The following ZEB1 variants were observed in gnomAD, a reference collection of about 807,000 sequenced individuals.
ZEB1 encodes zinc finger E-box-binding homeobox 1.
In ZEB1, 21 loss-of-function variants were observed where a neutral mutation model predicts 84.9. The observed-to-expected ratio is 0.25, with a 90% CI of 0.18 to 0.36. The LOEUF is 0.36. Among genes scored for constraint, ZEB1 ranks in the 10% least tolerant of loss-of-function variants. The pLI is 1.00. For synonymous variants in ZEB1, 420 were observed against 471.1 expected (o/e 0.89, Z 1.41); for missense variants, 1,104 against 1,330.2 (o/e 0.83, Z 2.65).
intron 1 of ZEB1, among the ~76,000 whole-genome samples, chr10:31,411,985 C>T (rs1433182790): frequency 6.6e-6 from 1 of 152,090 alleles, no homozygotes; most frequent in East Asian, 1.9e-4. Flanking sequence ...TTCACGATCT[C>T]AACCAGAATT....
chr10:31,443,867 A>C (rs977106094), intron 1 of ZEB1, among the ~76,000 whole-genome samples: 7 of 151,162 alleles, frequency 4.6e-5, no homozygotes, highest in Non-Finnish European at 7.4e-5. Context: ...GTGCCGCAAT[A>C]AACATACGTG....
At chr10:31,430,518 A>G (rs1331051192) in intron 1 of ZEB1, among the ~76,000 whole-genome samples, 1 of 152,208 alleles carries the variant, frequency 6.6e-6, no homozygotes, top group East Asian at 1.9e-4. Flanking sequence ...TCAGTTTAAT[A>G]GTTACTTAGT....
intron 1 of ZEB1, chr10:31,387,770 G>C: frequency 1.0e-6 from 1 of 984,978 alleles, no homozygotes; most frequent in Middle Eastern, 5.2e-4. Flanking sequence ...CAGAAAGTGT[G>C]GAAGCAAAGG....
chr10:31,497,726 C>G (rs866449115), intron 3 of ZEB1, among the ~76,000 whole-genome samples: 5 of 152,072 alleles, frequency 3.3e-5, no homozygotes, highest in African/African-American at 1.2e-4. Flanking sequence ...TTTTTTATAG[C>G]AGACTTCCTT....
At chr10:31,368,324 T>C (rs2044965602) in intron 1 of ZEB1, among the ~76,000 whole-genome samples, 3 of 152,024 alleles carry the variant, frequency 2.0e-5, no homozygotes. Context: ...CCCAGCTAAC[T>C]TTTGAACTTT....
At chr10:31,335,904 A>G (rs73254137) in intron 1 of ZEB1, among the ~76,000 whole-genome samples, 12,046 of 152,228 alleles carry the variant, frequency 0.079, 676 homozygotes, top group African/African-American at 0.16. Flanking sequence ...ATGCAGAATT[A>G]TTATACAAAT....
chr10:31,374,956 T>A (rs980775686), intron 1 of ZEB1: 3 of 151,622 alleles, frequency 2.0e-5, no homozygotes, highest in Admixed American at 2.0e-4. Context: ...CATGCAGACA[T>A]TTTTAAAGGT....
At chr10:31,390,065 A>T (rs2049357917) in intron 1 of ZEB1, among the ~76,000 whole-genome samples, 1 of 152,204 alleles carries the variant, frequency 6.6e-6, no homozygotes, top group Non-Finnish European at 1.5e-5. Context: ...GCAGAAGGAA[A>T]AAACAAAACA....
intron 2 of ZEB1, among the ~76,000 whole-genome samples, chr10:31,495,529 G>T (rs946066603): frequency 6.6e-6 from 1 of 151,866 alleles, no homozygotes; most frequent in Admixed American, 6.6e-5. Flanking sequence ...AATATAATCT[G>T]TACTGAAAGT....
intron 1 of ZEB1, among the ~76,000 whole-genome samples, chr10:31,402,741 C>G (rs11008485): frequency 0.064 from 9,790 of 151,946 alleles, 779 homozygotes; most frequent in African/African-American, 0.18. Context: ...ATAAAGTGCT[C>G]AGTCTTGAGT....
chr10:31,377,943 A>G (rs983840251), intron 1 of ZEB1, among the ~76,000 whole-genome samples: 1 of 151,696 alleles, frequency 6.6e-6, no homozygotes, highest in African/African-American at 2.4e-5. Context: ...TTCTCAGAAT[A>G]ATTTACCAAT....
intron 1 of ZEB1, among the ~76,000 whole-genome samples, chr10:31,384,934 C>T (rs1158547566): frequency 1.3e-5 from 2 of 152,128 alleles, no homozygotes; most frequent in East Asian, 1.9e-4. Flanking sequence ...ATTATCTGCA[C>T]TTAGTACTTT....
At chr10:31,494,047 T>A (rs1204900824) in intron 2 of ZEB1, among the ~76,000 whole-genome samples, 4 of 152,010 alleles carry the variant, frequency 2.6e-5, no homozygotes, top group African/African-American at 9.7e-5. Context: ...AGGTAGTAAC[T>A]CTGGCTGTTT....
chr10:31,367,347 G>A (rs2044720941), intron 1 of ZEB1, among the ~76,000 whole-genome samples: 1 of 152,114 alleles, frequency 6.6e-6, no homozygotes, highest in Non-Finnish European at 1.5e-5. Context: ...CTCTGGGAGT[G>A]TGGCCTAGGA....
chr10:31,322,257 G>C (rs1452392295), intron 1 of ZEB1, among the ~76,000 whole-genome samples: 4 of 152,176 alleles, frequency 2.6e-5, no homozygotes, highest in African/African-American at 9.7e-5. Flanking sequence ...ATATGTGCTG[G>C]TTAATATTTC....
At position 31,521,086 on chromosome 10, in the gene ZEB1, C is replaced by T; in HGVS notation, c.1754C>T (p.Pro585Leu). The T allele has an allele frequency of 6.2e-7, 1 of 1,614,080 alleles. No homozygotes were observed. The highest frequency in any genetic ancestry group is 8.5e-7 in the Non-Finnish European group (1 of 1,180,010). Reference sequence around the variant, plus strand: ...GCTACTGGAGATGGCAATTTGTCTCCTAGTCAGCCACCTTTAAAGAACCTC... The same window carrying T: ...GCTACTGGAGATGGCAATTTGTCTCTTAGTCAGCCACCTTTAAAGAACCTC... ...SSATGDGNLS[P>L]SQPPLKNLLS... Residue 585 changes from proline to leucine, a missense_variant, in exon 7 of 9, where the codon CCT (proline) becomes CTT (leucine). Physicochemically the swap from Pro to Leu is moderately conservative, Grantham distance 98. Around this residue, in one of 7 missense-constraint regions of ZEB1, gnomAD observed 531 missense variants for 575.2 expected, o/e 0.92. Transcript: ENST00000424869.
chr10:31,472,408 C>T (rs1363728298), intron 2 of ZEB1, among the ~76,000 whole-genome samples: 2 of 152,198 alleles, frequency 1.3e-5, no homozygotes, highest in Middle Eastern at 3.4e-3. Flanking sequence ...TACAAACTAC[C>T]ATCAGAGAAT....
intron 2 of ZEB1, among the ~76,000 whole-genome samples, chr10:31,483,414 G>A (rs1396888811): frequency 6.6e-6 from 1 of 151,914 alleles, no homozygotes; most frequent in Non-Finnish European, 1.5e-5. Context: ...TCCAAAGCAT[G>A]CTATTCTTTT....
Position 31,493,668 on chromosome 10 carries a change from G to A in ZEB1, c.260-2108G>A, listed in dbSNP as rs144716619. 1.8e-4 allele frequency among the ~76,000 whole-genome samples: 28 copies of A among 151,996 alleles called. No individual in the cohort carries two copies. The East Asian group carries it at 5.2e-3, about 28-fold the overall frequency. ...TGCAGACACACTCATGCTAGTCCACGGCTGATGCAGAAAGGAGCCTATCCC... is the reference window on the plus strand; with the variant it reads ...TGCAGACACACTCATGCTAGTCCACAGCTGATGCAGAAAGGAGCCTATCCC... On this transcript the variant is annotated intron_variant, in intron 2 of 8. Transcript: ENST00000424869.
Sources: allele counts gnomAD v4.1 joint callset (sites outside exome capture counted in the v4.1 genomes callset), GRCh38; gene constraint gnomAD v4.1.1; regional missense constraint gnomAD v4.1.1; transcripts MANE v1.5; gene names NCBI Gene and HGNC (gene_info 2026-07-23, HGNC 2026-07-21).